The following FANCI variants were observed in gnomAD, a reference collection of about 807,000 sequenced individuals.
The protein encoded by FANCI is FA complementation group I.
FANCI carries 156 observed loss-of-function variants against 176.1 expected under a neutral mutation model. That is an observed-to-expected ratio of 0.89 (90% confidence interval 0.78 to 1.01). FANCI has a LOEUF of 1.01. Ranked by LOEUF, FANCI falls within the 50% of genes least tolerant of loss-of-function variation. The pLI is 0.00. For synonymous variants in FANCI, 613 were observed against 541.7 expected (o/e 1.13, Z -1.83); for missense variants, 1,678 against 1,534.1 (o/e 1.09, Z -1.57).
chr15:89,316,711 TGAAGCTCCACG>T lies in FANCI; in HGVS notation c.*254_*264del. ...AGTTTGGGAGCCTGCACCACCCCGA[TGAAGCTCCACG>T]GGAGCAAATACAGAGCCTCCAGGCA... On this transcript the variant is annotated 3_prime_UTR_variant, in exon 38 of 38. Coordinates refer to ENST00000310775, the MANE Select transcript of FANCI (RefSeq NM_001113378.2). 3 of 1,529,162 alleles carry T rather than the reference TGAAGCTCCACG, an allele frequency of 2.0e-6. No homozygotes were observed. The highest frequency in any genetic ancestry group is 2.7e-6 in the Non-Finnish European group (3 of 1,102,698). The allele number at this position is 1,529,162 out of a possible 1,614,324, so 94.7% of individuals were successfully genotyped here. A position where few individuals can be genotyped will look rare whatever the true frequency, so the allele number is the denominator to read the frequency against.
At chr15:89,264,634 A>G in intron 9 of FANCI, 27 bp downstream of exon 9, 1 of 1,576,274 alleles carries the variant, frequency 6.3e-7, no homozygotes, top group Non-Finnish European at 8.7e-7. Context: ...AGAAATAAAG[A>G]TCATTTTTAC....
At chr15:89,294,258 A>G (rs774371934) in intron 23 of FANCI, among the ~76,000 whole-genome samples, 11 of 152,204 alleles carry the variant, frequency 7.2e-5, no homozygotes, top group African/African-American at 1.2e-4. Flanking sequence ...AAGAAAATCT[A>G]TGTAAGTAGC....
At chr15:89,296,292 G>A (rs2054268656) in intron 24 of FANCI, among the ~76,000 whole-genome samples, 1 of 148,446 alleles carries the variant, frequency 6.7e-6, no homozygotes, top group Non-Finnish European at 1.5e-5. Flanking sequence ...ATTTTCTGTA[G>A]AGATAGGATT....
chr15:89,293,101 A>C (rs1485628587), intron 22 of FANCI, 38 bp downstream of exon 22: 1 of 1,604,958 alleles, frequency 6.2e-7, no homozygotes, highest in Admixed American at 1.7e-5. Context: ...AATTTGATGA[A>C]TTCTCCATTT....
Position 89,290,195 on chromosome 15 carries a change from C to T in FANCI, c.1822-18C>T, listed in dbSNP as rs373603139. On this transcript the variant is annotated intron_variant, in intron 18 of 37. Transcript: ENST00000310775. ...ATCTCTGTTAAAGTGCTTATTTCTT[C>T]TCTTTGATTCCTCTTAGGGGTTTTA... The T allele has an allele frequency of 3.8e-5, 61 of 1,604,644 alleles. No individual in the cohort carries two copies. In the African/African-American group the frequency reaches 6.1e-4, roughly 16 times the overall value.
At chr15:89,315,733 C>CA (rs774388197) in intron 37 of FANCI, among the ~76,000 whole-genome samples, 34 of 152,222 alleles carry the variant, frequency 2.2e-4, no homozygotes, top group Admixed American at 1.3e-4. Flanking sequence ...GTCATGCCCT[C>CA]ATTCAAAGGC....
intron 8 of FANCI, 29 bp from the exon 9 acceptor site, chr15:89,264,492 GA>G (rs1289652586): frequency 5.7e-6 from 9 of 1,586,934 alleles, no homozygotes; most frequent in Non-Finnish European, 7.8e-6. Flanking sequence ...TGTTAATTGG[GA>G]GACCTTACCA....
chr15:89,316,896 A>T lies in FANCI; in HGVS notation c.*437A>T, dbSNP rs949675645. ...GTAACTGAGAGCTCAGAAGTGAGCA[A>T]AGGAGCTTAATGCTAAGGTCAAAAG... On this transcript the variant is annotated 3_prime_UTR_variant, in exon 38 of 38. Transcript: ENST00000310775. 2.5e-5 allele frequency: 28 copies of T among 1,121,282 alleles called. No individual in the cohort carries two copies. Among genetic ancestry groups the T allele is most frequent in the Non-Finnish European group, 3.7e-5 (27 of 730,284 alleles). 69.5% of individuals were successfully genotyped at this position (1,121,282 alleles called of 1,614,324 possible).
intron 1 of FANCI, among the ~76,000 whole-genome samples, chr15:89,247,383 G>A (rs1383618019): frequency 6.6e-6 from 1 of 152,122 alleles, no homozygotes; most frequent in East Asian, 1.9e-4. Context: ...CACTTGATTA[G>A]AATACAGATT....
Position 89,293,898 on chromosome 15 carries a change from A to T in FANCI, c.2357A>T (p.Asn786Ile), listed in dbSNP as rs2054159551. Residue 786 changes from asparagine to isoleucine, a missense_variant, in exon 23 of 38, where the codon AAT becomes ATT. Coordinates refer to ENST00000310775, the MANE Select transcript of FANCI (RefSeq NM_001113378.2). Reference protein sequence around the residue: ...MCYKKLSDILNEKAGKAKTKM... With the variant: ...MCYKKLSDILIEKAGKAKTKM... Reference sequence around the variant, plus strand: ...TACAAAAAACTCTCTGACATTCTTAATGAAAAAGCGGGTAAAGCCAAAACT... The same window carrying T: ...TACAAAAAACTCTCTGACATTCTTATTGAAAAAGCGGGTAAAGCCAAAACT... 3.1e-6 allele frequency: 5 copies of T among 1,614,160 alleles called. No homozygotes were observed. Among genetic ancestry groups the T allele is most frequent in the Non-Finnish European group, 4.2e-6 (5 of 1,180,016 alleles).
chr15:89,246,763 CTT>C (rs35104299), intron 1 of FANCI, among the ~76,000 whole-genome samples: 20 of 113,936 alleles, frequency 1.8e-4, no homozygotes, highest in African/African-American at 5.7e-4. Flanking sequence ...TTCTTCCTTT[CTT>C]TTTTTTTTTT....
At chr15:89,287,993 GAC>G (rs1260708388) in intron 18 of FANCI, among the ~76,000 whole-genome samples, 1 of 152,174 alleles carries the variant, frequency 6.6e-6, no homozygotes, top group African/African-American at 2.4e-5. Flanking sequence ...ACCAAAATGT[GAC>G]ACAGAGACAT....
chr15:89,278,375 T>C (rs1030833764), intron 13 of FANCI, among the ~76,000 whole-genome samples: 3 of 152,228 alleles, frequency 2.0e-5, no homozygotes, highest in Non-Finnish European at 2.9e-5. Flanking sequence ...GTCAGGAATA[T>C]GGATATTGTC....
chr15:89,313,863 T>TA (rs1157733785), intron 35 of FANCI, among the ~76,000 whole-genome samples: 6 of 151,452 alleles, frequency 4.0e-5, no homozygotes, highest in East Asian at 3.9e-4. Context: ...AAGATAATGT[T>TA]AAAAAAAATT....
intron 28 of FANCI, 48 bp downstream of exon 28, chr15:89,303,963 T>C (rs758518068): frequency 7.7e-6 from 12 of 1,553,388 alleles, no homozygotes; most frequent in Non-Finnish European, 1.1e-5. Flanking sequence ...AAAATCACTA[T>C]CCTCCAGTGG....
chr15:89,264,985 A>G (rs1175893152), intron 9 of FANCI, among the ~76,000 whole-genome samples: 2 of 152,234 alleles, frequency 1.3e-5, no homozygotes, highest in Admixed American at 6.5e-5. Context: ...TGTTATAGTA[A>G]AAGTGCTATG....
At chr15:89,310,410 C>A (rs1354356938) in intron 34 of FANCI, among the ~76,000 whole-genome samples, 1 of 152,118 alleles carries the variant, frequency 6.6e-6, no homozygotes, top group Non-Finnish European at 1.5e-5. Context: ...TGTTTCTGAC[C>A]CCATTTTCAA....
downstream of FANCI, chr15:89,317,241 A>C (rs2055301911): frequency 2.6e-6 from 2 of 768,752 alleles, no homozygotes; most frequent in Admixed American, 2.0e-5. Context: ...GCACCTTATA[A>C]ACTGAAATTA....
chr15:89,316,597 G>C lies in FANCI; in HGVS notation c.*138G>C, dbSNP rs1263344821. The C allele has an allele frequency of 9.0e-6, 10 of 1,110,832 alleles. No individual in the cohort carries two copies. The Admixed American group carries it at 2.0e-4, about 22-fold the overall frequency. 68.8% of individuals were successfully genotyped at this position (1,110,832 alleles called of 1,614,324 possible). On this transcript the variant is annotated 3_prime_UTR_variant, in exon 38 of 38. Coordinates refer to ENST00000310775, the MANE Select transcript of FANCI (RefSeq NM_001113378.2). ...CCCACTGAATTCAACTGCACCTTCA[G>C]TTAGAAGGAATCTTCTTGGCAGGTC...
Sources: allele counts gnomAD v4.1 joint callset (sites outside exome capture counted in the v4.1 genomes callset), GRCh38; gene constraint gnomAD v4.1.1; transcripts MANE v1.5; gene names NCBI Gene and HGNC (gene_info 2026-07-23, HGNC 2026-07-21).